PANK2: variants seen among roughly 807,000 people sequenced by gnomAD.
PANK2 encodes pantothenate kinase 2.
PANK2 carries 36 observed loss-of-function variants against 43.1 expected under a neutral mutation model. The observed-to-expected ratio is 0.84, with a 90% CI of 0.64 to 1.10. The LOEUF (loss-of-function observed/expected upper bound fraction) is 1.10, where lower values mean the gene tolerates loss of function less well. Among genes scored for constraint, PANK2 ranks in the 50% least tolerant of loss-of-function variants. The pLI, the probability that PANK2 is intolerant of heterozygous loss-of-function variation, is 0.00. For synonymous variants in PANK2, 281 were observed against 238.2 expected, an observed-to-expected ratio of 1.18 and a Z score of -1.66; for missense variants, 576 against 593.3, an observed-to-expected ratio of 0.97 and a Z score of 0.30.
upstream of PANK2, chr20:3,889,094 G>T (rs1391855118): frequency 3.3e-6 from 5 of 1,536,956 alleles, no homozygotes. Context: ...GCGGAAGGAG[G>T]GGGTGGATGA....
chr20:3,903,494 T>C (rs1416154959), intron 1 of PANK2, among the ~76,000 whole-genome samples: 14 of 146,484 alleles, frequency 9.6e-5, no homozygotes, highest in African/African-American at 3.3e-4. Context: ...GAGACTGAGT[T>C]TTGCTCTTGT....
upstream of PANK2, chr20:3,889,237 A>G (rs148036492): frequency 1.9e-6 from 3 of 1,613,310 alleles, no homozygotes; most frequent in Non-Finnish European, 2.5e-6. Flanking sequence ...CCCCGTCACG[A>G]TAGCCTCTCA....
intron 2 of PANK2, 125 bp from the exon 3 acceptor site, chr20:3,910,452 C>CA: frequency 9.0e-7 from 1 of 1,112,366 alleles, no homozygotes; most frequent in East Asian, 2.4e-5. Flanking sequence ...AAAGCATGCA[C>CA]AAATAATACA....
intron 6 of PANK2, among the ~76,000 whole-genome samples, chr20:3,920,594 C>G (rs2090631338): frequency 6.6e-6 from 1 of 152,084 alleles, no homozygotes; most frequent in African/African-American, 2.4e-5. Context: ...CGCCTGTAAT[C>G]CCAGCACTTT....
At chr20:3,889,182 TTCCTCCGCGGAACCCGGATCCCC>T, upstream of PANK2, 8 of 1,610,444 alleles carry the variant, frequency 5.0e-6, no homozygotes, top group Non-Finnish European at 6.8e-6. Context: ...CCGCCTTCTC[TTCCTCCGCGGAACCCGGATCCCC>T]TCCTCCACCA....
At position 3,910,850 on chromosome 20, in the gene PANK2, C is replaced by T; in HGVS notation, c.905+20C>T. On this transcript the variant is annotated intron_variant, in intron 3 of 6. Coordinates refer to ENST00000610179, the MANE Select transcript of PANK2 (RefSeq NM_001386393.1). ...TACTAGGTAAGTTGTATATAAAACT[C>T]ACTGTTTATTCTTAGTATCCTAACG... 6.2e-7 allele frequency: 1 copy of T among 1,613,688 alleles called. No homozygotes were observed. Among genetic ancestry groups the T allele is most frequent in the Non-Finnish European group, 8.5e-7 (1 of 1,179,732 alleles).
chr20:3,910,492 C>T, intron 2 of PANK2, 85 bp from the exon 3 acceptor site: 1 of 1,460,030 alleles, frequency 6.8e-7, no homozygotes, highest in Non-Finnish European at 9.6e-7. Context: ...ATGGTTGTTT[C>T]ACGTAGTGGG....
chr20:3,897,711 A>G (rs753051073), intron 1 of PANK2, among the ~76,000 whole-genome samples: 10 of 152,144 alleles, frequency 6.6e-5, no homozygotes, highest in Admixed American at 1.3e-4. Context: ...CAAAAAAACA[A>G]AAACGAAAAC....
At chr20:3,895,839 A>AT (rs1240126874) in intron 1 of PANK2, among the ~76,000 whole-genome samples, 1 of 151,986 alleles carries the variant, frequency 6.6e-6, no homozygotes, top group Non-Finnish European at 1.5e-5. Flanking sequence ...GAATTTGCTG[A>AT]TTTTACGGTA....
chr20:3,889,150 C>G, upstream of PANK2: 1 of 1,587,188 alleles, frequency 6.3e-7, no homozygotes. Context: ...GCGGCGCCGC[C>G]ATCACTCTCT....
intron 2 of PANK2, chr20:3,908,971 A>G (rs2090428767): frequency 6.5e-6 from 1 of 153,118 alleles, no homozygotes; most frequent in African/African-American, 2.4e-5. Flanking sequence ...AGAACTGACA[A>G]ATGAATAAGC....
intron 4 of PANK2, among the ~76,000 whole-genome samples, chr20:3,913,864 C>T (rs1196862074): frequency 6.6e-6 from 1 of 150,760 alleles, no homozygotes; most frequent in Non-Finnish European, 1.5e-5. Flanking sequence ...TCTCGGCTCA[C>T]TGCAAGCTCT....
chr20:3,913,757 T>C (rs1244708805), intron 4 of PANK2, among the ~76,000 whole-genome samples: 2 of 141,574 alleles, frequency 1.4e-5, no homozygotes, highest in South Asian at 2.4e-4. Flanking sequence ...TCTTTGTATG[T>C]ATGCACACAC....
intron 1 of PANK2, among the ~76,000 whole-genome samples, chr20:3,903,900 T>C (rs2090346067): frequency 6.6e-6 from 1 of 152,082 alleles, no homozygotes; most frequent in Non-Finnish European, 1.5e-5. Context: ...GTGTTGGGAT[T>C]ACAGGCGTGA....
chr20:3,901,707 T>G, intron 1 of PANK2: 1 of 653,962 alleles, frequency 1.5e-6, no homozygotes, highest in Middle Eastern at 7.5e-4. Context: ...AAAAGTTTCT[T>G]AAAGCTCTTG....
intron 4 of PANK2, among the ~76,000 whole-genome samples, chr20:3,915,347 G>A (rs2090541768): frequency 1.3e-5 from 2 of 151,922 alleles, no homozygotes; most frequent in South Asian, 4.2e-4. Flanking sequence ...TCACCAGGCT[G>A]GAGTGCAGTG....
chr20:3,915,785 A>G (rs1253550366), intron 4 of PANK2, among the ~76,000 whole-genome samples: 2 of 152,170 alleles, frequency 1.3e-5, no homozygotes, highest in Non-Finnish European at 2.9e-5. Flanking sequence ...TTAGTTGACC[A>G]TAGATGTTTG....
In PANK2 at chr20:3,889,668, T is replaced by TA. The variant is rs1320421721; in HGVS notation, c.239dup (p.Tyr80Ter). ...CACGAGGCGGGATCGACTGGGCTCTTACAGCGGCCCCACCTCGGTCTCCCG... is the reference window on the plus strand; with the variant it reads ...CACGAGGCGGGATCGACTGGGCTCTTAACAGCGGCCCCACCTCGGTCTCCCG... Residue 80 changes from tyrosine to a stop codon, truncating the protein, a stop_gained and frameshift_variant, in exon 1 of 7, where the codon TAC (tyrosine) becomes TAAC (stop). Transcript: ENST00000610179. LOFTEE classifies it high-confidence loss of function. 1.3e-6 allele frequency: 2 copies of TA among 1,590,394 alleles called. No homozygotes were observed. The highest frequency in any genetic ancestry group is 2.7e-5 in the African/African-American group (2 of 74,776).
At chr20:3,899,481 T>TC (rs1288327828) in intron 1 of PANK2, among the ~76,000 whole-genome samples, 16 of 150,848 alleles carry the variant, frequency 1.1e-4, no homozygotes, top group Admixed American at 2.7e-4. Flanking sequence ...GTTTTTTTTT[T>TC]TTTTCCCCAG....
Sources: allele counts gnomAD v4.1 joint callset (sites outside exome capture counted in the v4.1 genomes callset), GRCh38; gene constraint gnomAD v4.1.1; transcripts MANE v1.5; gene names NCBI Gene and HGNC (gene_info 2026-07-23, HGNC 2026-07-21).